MYO7B: variants seen among roughly 807,000 people sequenced by gnomAD.
MYO7B encodes unconventional myosin-VIIb.
A neutral mutation model predicts 259.7 loss-of-function variants in MYO7B; 212 were observed. The observed-to-expected ratio is 0.82, with a 90% CI of 0.73 to 0.91. The LOEUF is 0.91. Ranked by LOEUF, MYO7B falls within the 40% of genes least tolerant of loss-of-function variation. MYO7B has a pLI of 0.00. For missense variants in MYO7B, 2,732 were observed against 2,813.5 expected, an observed-to-expected ratio of 0.97 and a Z score of 0.66; for synonymous variants, 1,197 against 1,166.4, an observed-to-expected ratio of 1.03 and a Z score of -0.54.
rs17340406 is a variant in MYO7B at position 127,596,449 on chromosome 2, T to C, written c.2245-13T>C. ...GGGTGAGCAGCCCAGTGACGGCGTC[T>C]CTCCTGTTCCAGGATCATCAGGACA... On this transcript the variant is annotated splice_polypyrimidine_tract_variant and intron_variant, in intron 18 of 47. Coordinates refer to ENST00000409816, the MANE Select transcript of MYO7B (RefSeq NM_001393586.1). 56,405 of 1,607,066 alleles carry C rather than the reference T, an allele frequency of 0.035. 1,129 individuals are homozygous for C. The highest frequency in any genetic ancestry group is 0.041 in the Non-Finnish European group (48,563 of 1,174,826).
In MYO7B at chr2:127,632,256, G is replaced by C; in HGVS notation, c.5260G>C (p.Glu1754Gln). 6.2e-7 allele frequency: 1 copy of C among 1,611,928 alleles called. No individual in the cohort carries two copies. The highest frequency in any genetic ancestry group is 8.5e-7 in the Non-Finnish European group (1 of 1,179,530). Reference protein sequence around the residue: ...LTHNSNRHSEERGWQLLWLCT... With the variant: ...LTHNSNRHSEQRGWQLLWLCT... ...AGTGCTACCCTTCAGGCACAGCGAA[G>C]AGCGGGGCTGGCAGCTGCTGTGGCT... Residue 1754 changes from glutamate (E) to glutamine (Q), a missense_variant, in exon 39 of 48, where the codon GAG becomes CAG. Physicochemically the swap from Glu to Gln is conservative, Grantham distance 29. Transcript: ENST00000409816.
At chr2:127,540,322 C>A (rs1692955386) in intron 1 of MYO7B, among the ~76,000 whole-genome samples, 1 of 152,236 alleles carries the variant, frequency 6.6e-6, no homozygotes, top group South Asian at 2.1e-4. Context: ...CGCCACCACA[C>A]CCAACTAATT....
At position 127,630,876 on chromosome 2, in the gene MYO7B, C is replaced by T; in HGVS notation, c.4905C>T (p.His1635=). The T allele has an allele frequency of 1.2e-6, 2 of 1,604,144 alleles. No individual in the cohort carries two copies. Among genetic ancestry groups the T allele is most frequent in the Non-Finnish European group, 1.7e-6 (2 of 1,175,434 alleles). Residue 1635 remains histidine (H), a synonymous_variant, in exon 36 of 48, where the codon CAC becomes CAT. Coordinates refer to ENST00000409816, the MANE Select transcript of MYO7B (RefSeq NM_001393586.1). ...AGGAGCCACCCAAGGAAAAGCTGCACACCCTGGAGGAGTTCTCCTATGAGT... is the reference window on the plus strand; with the variant it reads ...AGGAGCCACCCAAGGAAAAGCTGCATACCCTGGAGGAGTTCTCCTATGAGT... The part of the protein sequence containing the change: ...RPEEPPKEKL[H]TLEEFSYEFF...
At chr2:127,548,005 C>T (rs756783963) in intron 1 of MYO7B, among the ~76,000 whole-genome samples, 2 of 152,176 alleles carry the variant, frequency 1.3e-5, no homozygotes, top group East Asian at 3.9e-4. Flanking sequence ...CTAATAGATA[C>T]AGGATTTTCA....
At chr2:127,595,462 A>G (rs749027348) in intron 18 of MYO7B, among the ~76,000 whole-genome samples, 9 of 151,902 alleles carry the variant, frequency 5.9e-5, no homozygotes, top group Non-Finnish European at 1.0e-4. Context: ...TCGTATCTCT[A>G]TCTCCTTCAG....
Position 127,609,559 on chromosome 2 carries a change from C to T in MYO7B, c.2868C>T (p.Pro956=), listed in dbSNP as rs1249548302. The T allele has an allele frequency of 3.7e-6, 6 of 1,613,838 alleles. No individual in the cohort carries two copies. Among genetic ancestry groups the T allele is most frequent in the African/African-American group, 1.3e-5 (1 of 74,928 alleles). Residue 956 remains proline, a synonymous_variant, in exon 23 of 48, where the codon CCC becomes CCT. Coordinates refer to ENST00000409816, the MANE Select transcript of MYO7B (RefSeq NM_001393586.1). The surrounding 1 kb of genome is among the most constrained non-coding windows in gnomAD (Gnocchi z 6.9). ...KLLEVDLDTV[P]MAEEPEEDVD... is the part of the protein sequence containing the mutation. Reference sequence around the variant, plus strand: ...TTGAGGTTGACCTGGACACAGTCCCCATGGCGGAGGAGCCTGAGGAGGATG... The same window carrying T: ...TTGAGGTTGACCTGGACACAGTCCCTATGGCGGAGGAGCCTGAGGAGGATG...
chr2:127,572,526 CTTTCT>C (rs1378507833), intron 6 of MYO7B, among the ~76,000 whole-genome samples: 1 of 144,886 alleles, frequency 6.9e-6, no homozygotes, highest in African/African-American at 2.6e-5. Flanking sequence ...TCCTTCCTTC[CTTTCT>C]TTTTCTCCTT....
intron 14 of MYO7B, among the ~76,000 whole-genome samples, chr2:127,588,114 G>C (rs1400798714): frequency 1.3e-5 from 2 of 152,166 alleles, no homozygotes; most frequent in Non-Finnish European, 2.9e-5. Context: ...AGTAGGATCT[G>C]CCCAGAGGCA....
Position 127,627,783 on chromosome 2 carries a change from C to T in MYO7B, c.4460+473C>T. On this transcript the variant is annotated intron_variant, in intron 33 of 47. Transcript: ENST00000409816. This position sits in a 1 kb window ranked among gnomAD's most constrained non-coding sequence, Gnocchi z 5.6. The stretch of plus-strand genomic sequence containing the variant: ...CATGGGTCTCCATGGATCTCATTGA[C>T]TGGGAACTTTTCCATGCCCTTTGGG... 2 of 457,982 alleles carry T rather than the reference C, an allele frequency of 4.4e-6. No homozygotes were observed. Among genetic ancestry groups the T allele is most frequent in the South Asian group, 1.5e-5 (1 of 64,590 alleles). 28.4% of individuals were successfully genotyped at this position (457,982 alleles called of 1,614,324 possible). A position where few individuals can be genotyped will look rare whatever the true frequency, so the allele number is the denominator to read the frequency against.
rs778768323 is a variant in MYO7B at position 127,607,384 on chromosome 2, G to T, written c.2603G>T (p.Gly868Val). ...AVVVIQAHAR[G>V]MAARRNFQQR... ...GTGGTCATTCAGGCCCATGCCAGGG[G>T]CATGGCTGCCCGGCGCAACTTCCAG... The change falls in exon 21 of 48, where the codon GGC becomes GTC. Residue 868 changes from glycine (G) to valine (V), a missense_variant. Around this residue, in one of 3 missense-constraint regions of MYO7B, gnomAD observed 1,906 missense variants for 2,026.4 expected, o/e 0.94. Coordinates refer to ENST00000409816, the MANE Select transcript of MYO7B (RefSeq NM_001393586.1). The surrounding 1 kb of genome is among the most constrained non-coding windows in gnomAD (Gnocchi z 4.4). The T allele has an allele frequency of 6.4e-7, 1 of 1,551,324 alleles. No individual in the cohort carries two copies. Among genetic ancestry groups the T allele is most frequent in the South Asian group, 1.2e-5 (1 of 84,052 alleles).
chr2:127,594,034 C>A (rs1204309012), intron 18 of MYO7B, among the ~76,000 whole-genome samples: 1 of 152,212 alleles, frequency 6.6e-6, no homozygotes, highest in East Asian at 1.9e-4. Context: ...TGCAGGCTTC[C>A]CTACACTGGG....
At chr2:127,566,577 G>A in intron 4 of MYO7B, 66 bp from the exon 5 acceptor site, 1 of 1,445,292 alleles carries the variant, frequency 6.9e-7, no homozygotes, top group Non-Finnish European at 9.1e-7. Context: ...CCAAGGCCAA[G>A]GCCAAGGCCA....
chr2:127,588,313 C>T (rs1679381661), intron 14 of MYO7B, 79 bp from the exon 15 acceptor site: 1 of 1,522,158 alleles, frequency 6.6e-7, no homozygotes, highest in Non-Finnish European at 8.9e-7. Context: ...CCTGTATTCC[C>T]CCACACTGCC....
At chr2:127,594,129 T>A (rs913910821) in intron 18 of MYO7B, among the ~76,000 whole-genome samples, 1 of 152,230 alleles carries the variant, frequency 6.6e-6, no homozygotes, top group Non-Finnish European at 1.5e-5. Context: ...CGACTTGTCC[T>A]TAGCGGGGCT....
At chr2:127,631,970 CCT>C (rs1026389941) in intron 38 of MYO7B, among the ~76,000 whole-genome samples, 11 of 152,328 alleles carry the variant, frequency 7.2e-5, no homozygotes, top group African/African-American at 2.4e-4. Flanking sequence ...CCACTCCCAC[CCT>C]CTGTGTGTGA....
intron 15 of MYO7B, 142 bp from the exon 16 acceptor site, chr2:127,589,950 G>C (rs915593801): frequency 1.1e-6 from 1 of 875,248 alleles, no homozygotes; most frequent in Non-Finnish European, 1.7e-6. Flanking sequence ...ATACATGGAT[G>C]GGTGGGTGGG....
chr2:127,607,208 C>G lies in MYO7B; in HGVS notation c.2427C>G (p.Ile809Met). ...GYCNRRNFKL[I>M]LVGFERLQAI... ...TCACCTCTCTCTTGCCTCCGCAGAT[C>G]CTCGTGGGCTTTGAGCGCCTGCAGG... The change falls in exon 21 of 48, where the codon ATC becomes ATG. Residue 809 changes from isoleucine to methionine, a missense_variant and splice_region_variant. Coordinates refer to ENST00000409816, the MANE Select transcript of MYO7B (RefSeq NM_001393586.1). This position sits in a 1 kb window ranked among gnomAD's most constrained non-coding sequence, Gnocchi z 4.4. 1 of 1,547,226 alleles carries G rather than the reference C, an allele frequency of 6.5e-7. No individual in the cohort carries two copies. Among genetic ancestry groups the G allele is most frequent in the Non-Finnish European group, 8.7e-7 (1 of 1,145,330 alleles).
In MYO7B at chr2:127,597,744, C is replaced by T. The variant is rs1024479109; in HGVS notation, c.2339+1188C>T. 2.6e-5 allele frequency among the ~76,000 whole-genome samples: 4 copies of T among 152,108 alleles called. No individual in the cohort carries two copies. The highest frequency in any genetic ancestry group is 9.7e-5 in the African/African-American group (4 of 41,390). On this transcript the variant is annotated intron_variant, in intron 19 of 47. Coordinates refer to ENST00000409816, the MANE Select transcript of MYO7B (RefSeq NM_001393586.1). The surrounding 1 kb of genome is among the most constrained non-coding windows in gnomAD (Gnocchi z 4.8). ...CTGCTTTCCGGGCTCAAGCTATCCTCCCACCTCAGCCTCCAAAGTAGCTGG... is the reference window on the plus strand; with the variant it reads ...CTGCTTTCCGGGCTCAAGCTATCCTTCCACCTCAGCCTCCAAAGTAGCTGG...
intron 20 of MYO7B, among the ~76,000 whole-genome samples, chr2:127,606,766 CACTTTTACTTT>C (rs1680168232): frequency 1.3e-5 from 2 of 152,178 alleles, no homozygotes; most frequent in Admixed American, 1.3e-4. Context: ...TTTATTACTG[CACTTTTACTTT>C]AAAGATGCCC....
Sources: gnomAD v4.1 joint callset for allele counts (sites outside exome capture counted in the v4.1 genomes callset) on GRCh38, gnomAD v4.1.1 for gene constraint, gnomAD v4.1.1 regional missense constraint, Gnocchi (gnomAD v3.1) non-coding constraint, MANE v1.5 for transcripts, NCBI Gene and HGNC (gene_info 2026-07-23, HGNC 2026-07-21) for gene names.